The following MCOLN2 variants were observed in gnomAD, a reference collection of about 807,000 sequenced individuals.
The protein encoded by MCOLN2 is mucolipin-2.
In MCOLN2, 57 loss-of-function variants were observed where a neutral mutation model predicts 67.5. The observed-to-expected ratio is 0.84, with a 90% CI of 0.68 to 1.05. The LOEUF (loss-of-function observed/expected upper bound fraction) is 1.05. Among genes scored for constraint, MCOLN2 ranks in the 50% least tolerant of loss-of-function variants. The probability of loss-of-function intolerance (pLI) is 0.00; values close to 1 mark genes in which losing one functional copy is unlikely to be tolerated. For missense variants in MCOLN2, 620 were observed against 678.8 expected (o/e 0.91, Z 0.96); for synonymous variants, 246 against 233.3 (o/e 1.05, Z -0.50).
At chr1:84,993,911 T>A (rs2102897071) in intron 1 of MCOLN2, among the ~76,000 whole-genome samples, 1 of 151,990 alleles carries the variant, frequency 6.6e-6, no homozygotes, top group African/African-American at 2.4e-5. Context: ...ATTACAGGTG[T>A]GAGCCACCGC....
intron 11 of MCOLN2, among the ~76,000 whole-genome samples, chr1:84,936,362 C>T (rs1276784837): frequency 6.6e-6 from 1 of 152,110 alleles, no homozygotes; most frequent in African/African-American, 2.4e-5. Flanking sequence ...GAATTAAAGC[C>T]GAATCCTCAG....
Position 84,996,931 on chromosome 1 carries a change from C to G in MCOLN2, c.-59G>C, listed in dbSNP as rs940099646. The G allele has an allele frequency of 6.8e-7, 1 of 1,471,798 alleles. No individual in the cohort carries two copies. Among genetic ancestry groups the G allele is most frequent in the Admixed American group, 1.7e-5 (1 of 58,602 alleles). The allele number at this position is 1,471,798 out of a possible 1,614,324, so 91.2% of individuals were successfully genotyped here. A position where few individuals can be genotyped will look rare whatever the true frequency, so the allele number is the denominator to read the frequency against. The stretch of plus-strand genomic sequence containing the variant: ...GATTCGGAACAGGAAACACCGTTCA[C>G]GGCCGACTCATTTCGCCCTCGCCGT... On this transcript the variant is annotated 5_prime_UTR_variant, in exon 1 of 14. Transcript: ENST00000370608.
Position 84,925,736 on chromosome 1 carries a change from G to A in MCOLN2, c.*949C>T, listed in dbSNP as rs563404131. On this transcript the variant is annotated 3_prime_UTR_variant, in exon 14 of 14. Transcript: ENST00000370608. ...GTCATGTGTGTACAACTGACCATTA[G>A]CACAAGTGACGAGGCAGCCAAATGA... is the stretch of plus-strand genomic sequence containing the variant. The A allele has an allele frequency of 6.6e-6, 1 of 152,176 alleles. No individual in the cohort carries two copies. The highest frequency in any genetic ancestry group is 2.4e-5 in the African/African-American group (1 of 41,436). 9.4% of individuals were successfully genotyped at this position (152,176 alleles called of 1,614,324 possible).
At chr1:84,967,971 T>G (rs1649468354) in intron 1 of MCOLN2, among the ~76,000 whole-genome samples, 1 of 152,030 alleles carries the variant, frequency 6.6e-6, no homozygotes, top group East Asian at 1.9e-4. Flanking sequence ...TTTAAAAGAT[T>G]GAAGAGTTAA....
chr1:84,988,269 C>A (rs1259908776), intron 1 of MCOLN2, among the ~76,000 whole-genome samples: 1 of 151,798 alleles, frequency 6.6e-6, no homozygotes, highest in Non-Finnish European at 1.5e-5. Context: ...ACAGGCTGGT[C>A]TTGAACTCTT....
At chr1:84,988,191 T>G (rs1451619161) in intron 1 of MCOLN2, among the ~76,000 whole-genome samples, 1 of 151,684 alleles carries the variant, frequency 6.6e-6, no homozygotes, top group African/African-American at 2.4e-5. Context: ...CACAGCAGAA[T>G]CATCTGAGGA....
intron 1 of MCOLN2, among the ~76,000 whole-genome samples, chr1:84,995,480 CG>C (rs1168303340): frequency 6.6e-6 from 1 of 152,198 alleles, no homozygotes; most frequent in Admixed American, 6.5e-5. Context: ...AACTGACACA[CG>C]GAACTTAGAC....
chr1:84,929,934 A>T lies in MCOLN2; in HGVS notation c.1543-255T>A, dbSNP rs550754228. The T allele has an allele frequency of 0.012, 2,037 of 174,606 alleles. 43 individuals carry two copies. The highest frequency in any genetic ancestry group is 0.06 in the Admixed American group (922 of 15,376). 10.8% of individuals were successfully genotyped at this position (174,606 alleles called of 1,614,324 possible). A position where few individuals can be genotyped will look rare whatever the true frequency, so the allele number is the denominator to read the frequency against. ...GAAGAGCCAGGGAGAGGTTTTTTTT[A>T]AAAAAAAAAAAGGTAATGAAGGAAA... On this transcript the variant is annotated intron_variant, in intron 12 of 13. Transcript: ENST00000370608.
At chr1:84,986,461 T>C (rs1480434075) in intron 1 of MCOLN2, among the ~76,000 whole-genome samples, 1 of 149,954 alleles carries the variant, frequency 6.7e-6, no homozygotes, top group African/African-American at 2.5e-5. Flanking sequence ...GAGAATCACT[T>C]GAACCCAGGA....
intron 1 of MCOLN2, among the ~76,000 whole-genome samples, chr1:84,988,251 T>C (rs1451500881): frequency 1.3e-5 from 2 of 152,014 alleles, no homozygotes; most frequent in South Asian, 2.1e-4. Context: ...CAGGTTTTGC[T>C]ATGTTGCACA....
chr1:84,973,511 T>A (rs1259604414), intron 1 of MCOLN2, among the ~76,000 whole-genome samples: 1 of 152,136 alleles, frequency 6.6e-6, no homozygotes, highest in African/African-American at 2.4e-5. Flanking sequence ...ATCAGGTGCC[T>A]GTGTTTCACT....
chr1:84,950,506 T>C (rs2025597), intron 6 of MCOLN2, among the ~76,000 whole-genome samples: 6,445 of 152,318 alleles, frequency 0.042, 476 homozygotes, highest in African/African-American at 0.15. Context: ...ACATATAATG[T>C]TTTCAGAAAG....
intron 7 of MCOLN2, among the ~76,000 whole-genome samples, chr1:84,941,388 T>G (rs1647773549): frequency 6.6e-6 from 1 of 152,054 alleles, no homozygotes; most frequent in Non-Finnish European, 1.5e-5. Context: ...TCCCAGCTAC[T>G]TGGGAGGCTG....
intron 1 of MCOLN2, among the ~76,000 whole-genome samples, chr1:84,967,714 AGGG>A (rs1477496542): frequency 1.4e-5 from 2 of 141,390 alleles, no homozygotes; most frequent in Non-Finnish European, 3.1e-5. Flanking sequence ...GAAGAAGAGA[AGGG>A]AAGGAAGGAG....
At chr1:84,955,028 G>A (rs1332087506) in intron 4 of MCOLN2, among the ~76,000 whole-genome samples, 1 of 152,142 alleles carries the variant, frequency 6.6e-6, no homozygotes, top group East Asian at 1.9e-4. Context: ...GGACCCAGTA[G>A]GAGGTAATTA....
In MCOLN2 at chr1:84,926,506, G is replaced by A; in HGVS notation, c.*179C>T. The A allele has an allele frequency of 2.2e-6, 1 of 448,118 alleles. No homozygotes were observed. 27.8% of individuals were successfully genotyped at this position (448,118 alleles called of 1,614,324 possible). ...CCATGGTCTATTCTTTATCATTCAA[G>A]TTTATAAAAAGTAAAGCTGGAACTT... On this transcript the variant is annotated 3_prime_UTR_variant, in exon 14 of 14. Transcript: ENST00000370608.
chr1:84,982,885 A>T lies in MCOLN2; in HGVS notation c.77+13911T>A, dbSNP rs374123103. ...GCCCGGCTAATTTTTTATTATTATT[A>T]TTTTTTATTTTTAGTAGTGACAGGG... On this transcript the variant is annotated intron_variant, in intron 1 of 13. Transcript: ENST00000370608. Among the ~76,000 whole-genome samples the T allele has an allele frequency of 1.1e-4, 17 of 151,786 alleles. No individual in the cohort carries two copies. The East Asian group carries it at 1.4e-3, about 12-fold the overall frequency.
At chr1:84,996,231 C>T (rs545366097) in intron 1 of MCOLN2, among the ~76,000 whole-genome samples, 60 of 151,998 alleles carry the variant, frequency 3.9e-4, no homozygotes, top group Non-Finnish European at 6.6e-4. Flanking sequence ...GTTCCCTCTA[C>T]ATAAAATATC....
At position 84,926,622 on chromosome 1, in the gene MCOLN2, TG is replaced by T; in HGVS notation, c.*62del. The T allele has an allele frequency of 7.8e-7, 1 of 1,283,126 alleles. No individual in the cohort carries two copies. The highest frequency in any genetic ancestry group is 1.1e-6 in the Non-Finnish European group (1 of 920,482). 79.5% of individuals were successfully genotyped at this position (1,283,126 alleles called of 1,614,324 possible). ...TTTGGAACTGCTTGTCCAAGTCATTTGGGGTTCCTCTGCTCAGCCGCTGGAT... is the reference window on the plus strand; with the variant it reads ...TTTGGAACTGCTTGTCCAAGTCATTTGGGTTCCTCTGCTCAGCCGCTGGAT... On this transcript the variant is annotated 3_prime_UTR_variant, in exon 14 of 14. Transcript: ENST00000370608.
Sources: gnomAD v4.1 joint callset for allele counts (sites outside exome capture counted in the v4.1 genomes callset) on GRCh38, gnomAD v4.1.1 for gene constraint, MANE v1.5 for transcripts, NCBI Gene and HGNC (gene_info 2026-07-23, HGNC 2026-07-21) for gene names.